DIAPH2: variants seen among roughly 807,000 people sequenced by gnomAD.
DIAPH2 encodes diaphanous related formin 2, also known as protein diaphanous homolog 2.
Under a neutral mutation model 92.7 loss-of-function variants are expected in DIAPH2, and 35 were observed. That is an observed-to-expected ratio of 0.38 (90% CI 0.29 to 0.50). DIAPH2 has a LOEUF of 0.50. Among genes scored for constraint, DIAPH2 ranks in the 20% least tolerant of loss-of-function variants. The pLI, the probability that DIAPH2 is intolerant of heterozygous loss-of-function variation, is 0.94. For missense variants in DIAPH2, 701 were observed against 819.5 expected (o/e 0.86, Z 1.77); for synonymous variants, 301 against 280.4 (o/e 1.07, Z -0.73).
At chrX:97,380,643 T>C (rs1201183616) in intron 24 of DIAPH2, among the ~76,000 whole-genome samples, 4 of 106,375 alleles carry the variant, frequency 3.8e-5, no homozygotes, top group Non-Finnish European at 7.8e-5. Context: ...AAACTAAAGA[T>C]TATTGATATG....
Position 97,507,222 on chromosome X carries a change from A to G in DIAPH2, c.3241+77477A>G, listed in dbSNP as rs182395723. On this transcript the variant is annotated intron_variant, in intron 26 of 26. Coordinates refer to ENST00000324765, the MANE Select transcript of DIAPH2 (RefSeq NM_006729.5). ...TTTTTACAACAATTTTATGCAGAAT[A>G]CGCATCTTATTTTTGTAAATATGCA... Among the ~76,000 whole-genome samples, 4 of 108,805 alleles carry G rather than the reference A, an allele frequency of 3.7e-5. No individual in the cohort carries two copies. In the East Asian group the frequency reaches 1.1e-3, roughly 31 times the overall value. 94.5% of individuals were successfully genotyped at this position (108,805 alleles called of 115,157 possible). A position where few individuals can be genotyped will look rare whatever the true frequency, so the allele number is the denominator to read the frequency against.
At chrX:96,784,977 C>T (rs1453031528) in intron 4 of DIAPH2, among the ~76,000 whole-genome samples, 1 of 111,856 alleles carries the variant, frequency 8.9e-6, no homozygotes, top group African/African-American at 3.3e-5. Context: ...AGGTCTGAAT[C>T]GTGGCAGGCT....
intron 1 of DIAPH2, among the ~76,000 whole-genome samples, chrX:96,700,107 C>G (rs933207808): frequency 8.9e-6 from 1 of 112,101 alleles, no homozygotes; most frequent in Admixed American, 9.4e-5. Context: ...CTCCCTGGCT[C>G]AAGCCATCCT....
chrX:97,368,586 C>G (rs2069405901), intron 24 of DIAPH2, among the ~76,000 whole-genome samples: 1 of 111,489 alleles, frequency 9.0e-6, no homozygotes, highest in African/African-American at 3.3e-5. Context: ...GTTAGAAGTC[C>G]TAATGCTTTT....
At chrX:97,272,892 A>G (rs372527353) in intron 23 of DIAPH2, among the ~76,000 whole-genome samples, 1 of 112,373 alleles carries the variant, frequency 8.9e-6, no homozygotes, top group South Asian at 3.7e-4. Context: ...GCAGTGGCTC[A>G]TGTGTGTAAT....
chrX:96,885,086 C>T lies in DIAPH2; in HGVS notation c.587+3368C>T, dbSNP rs751615388. On this transcript the variant is annotated intron_variant, in intron 5 of 26. Coordinates refer to ENST00000324765, the MANE Select transcript of DIAPH2 (RefSeq NM_006729.5). ...ACTGTGGATCGGGAGCATTTTAAGTCTGCTGATTGAGGCAGGGAAAACATC... is the reference window on the plus strand; with the variant it reads ...ACTGTGGATCGGGAGCATTTTAAGTTTGCTGATTGAGGCAGGGAAAACATC... The T allele has an allele frequency of 2.5e-6, 3 of 1,201,989 alleles. No homozygotes were observed. The South Asian group carries it at 5.3e-5, about 21-fold the overall frequency.
rs1033312023 is a variant in DIAPH2, at chrX:96,686,143, C to G, written c.132+953C>G. Among the ~76,000 whole-genome samples the G allele has an allele frequency of 4.5e-5, 5 of 111,777 alleles. No homozygotes were observed. In the East Asian group the frequency reaches 1.4e-3, roughly 31 times the overall value. On this transcript the variant is annotated intron_variant, in intron 1 of 26. Transcript: ENST00000324765. ...TAGAGCTGTATTCTTAGTCCAGATC[C>G]GAAGCACAAGCCACATGTTGAATGT... is the stretch of plus-strand genomic sequence containing the variant.
chrX:96,890,252 G>T (rs2065298281), intron 5 of DIAPH2, among the ~76,000 whole-genome samples: 1 of 111,776 alleles, frequency 8.9e-6, no homozygotes, highest in Non-Finnish European at 1.9e-5. Context: ...AATGGGATTG[G>T]AGCCTTCCAG....
intron 26 of DIAPH2, among the ~76,000 whole-genome samples, chrX:97,579,285 T>C (rs1330629982): frequency 4.5e-5 from 5 of 110,681 alleles, no homozygotes; most frequent in Non-Finnish European, 7.6e-5. Flanking sequence ...GGTTTTCTTG[T>C]AGGGTTTTTA....
chrX:96,979,119 A>C (rs2147838553), intron 17 of DIAPH2, among the ~76,000 whole-genome samples: 1 of 112,023 alleles, frequency 8.9e-6, no homozygotes, highest in East Asian at 2.8e-4. Context: ...AATAACATGT[A>C]ACTAGGTTCA....
chrX:97,369,065 G>A (rs894366836), intron 24 of DIAPH2, among the ~76,000 whole-genome samples: 5 of 109,398 alleles, frequency 4.6e-5, no homozygotes, highest in African/African-American at 1.0e-4. Context: ...GCACAACCAC[G>A]CCTGGCTGAT....
intron 22 of DIAPH2, among the ~76,000 whole-genome samples, chrX:97,183,529 C>A (rs1229785652): frequency 1.8e-5 from 2 of 112,142 alleles, no homozygotes; most frequent in Non-Finnish European, 3.8e-5. Flanking sequence ...AGATTGCAGT[C>A]TTTTCAAAAG....
chrX:97,050,902 G>C (rs1184246134), intron 17 of DIAPH2, among the ~76,000 whole-genome samples: 1 of 111,869 alleles, frequency 8.9e-6, no homozygotes, highest in Non-Finnish European at 1.9e-5. Context: ...TTGCAATCAC[G>C]GAGTGAAGGT....
rs1249924043 is a variant in DIAPH2 at position 97,011,279 on chromosome X, C to T, written c.2050+46072C>T. On this transcript the variant is annotated intron_variant, in intron 17 of 26. Coordinates refer to ENST00000324765, the MANE Select transcript of DIAPH2 (RefSeq NM_006729.5). ...AGTCCTTTAAATTCCATTTGATAAG[C>T]ATGTTGTGTATTGTTTAGTCCTTGC... Among the ~76,000 whole-genome samples the T allele has an allele frequency of 5.4e-5, 6 of 111,952 alleles. No individual in the cohort carries two copies. In the East Asian group the frequency reaches 1.7e-3, roughly 32 times the overall value.
chrX:97,566,319 AC>A (rs2071327278), intron 26 of DIAPH2, among the ~76,000 whole-genome samples: 1 of 111,916 alleles, frequency 8.9e-6, no homozygotes, highest in African/African-American at 3.2e-5. Flanking sequence ...CAATTATATG[AC>A]TTTAAAATCA....
intron 17 of DIAPH2, among the ~76,000 whole-genome samples, chrX:97,040,098 T>C (rs1000152640): frequency 3.3e-4 from 37 of 111,189 alleles, no homozygotes; most frequent in African/African-American, 1.2e-3. Flanking sequence ...TGATTTCTTA[T>C]TGTGTGATTT....
intron 22 of DIAPH2, among the ~76,000 whole-genome samples, chrX:97,160,466 T>C (rs1381352502): frequency 1.2e-4 from 14 of 112,175 alleles, no homozygotes. Context: ...TATTTTATCT[T>C]ATTATTTTAT....
chrX:97,261,987 A>G (rs1019874524), intron 23 of DIAPH2, among the ~76,000 whole-genome samples: 2 of 109,459 alleles, frequency 1.8e-5, no homozygotes, highest in African/African-American at 3.3e-5. Context: ...TACTGGTCAC[A>G]AATTCATCTA....
At chrX:97,023,209 TTTAA>T (rs751260255) in intron 17 of DIAPH2, among the ~76,000 whole-genome samples, 2 of 112,268 alleles carry the variant, frequency 1.8e-5, no homozygotes, top group African/African-American at 3.2e-5. Context: ...ATTTTCAGAC[TTTAA>T]TTACTTTATC....
Sources: allele counts gnomAD v4.1 joint callset (sites outside exome capture counted in the v4.1 genomes callset), GRCh38; gene constraint gnomAD v4.1.1; transcripts MANE v1.5; gene names NCBI Gene and HGNC (gene_info 2026-07-23, HGNC 2026-07-21).